COL18A1: variants seen among roughly 807,000 people sequenced by gnomAD.
COL18A1 encodes collagen alpha-1(XVIII) chain.
In COL18A1, 133 loss-of-function variants were observed where a neutral mutation model predicts 168.0. The ratio of observed to expected loss-of-function variants is 0.79; its 90% CI spans 0.69 to 0.91. The LOEUF (loss-of-function observed/expected upper bound fraction) is 0.91, where lower values mean the gene tolerates loss of function less well. Among genes scored for constraint, COL18A1 ranks in the 40% least tolerant of loss-of-function variants. COL18A1 has a pLI of 0.00. For missense variants in COL18A1, 2,126 were observed against 1,925.4 expected (o/e 1.10, Z -1.95); for synonymous variants, 949 against 809.0 (o/e 1.17, Z -2.94).
At chr21:45,414,519 G>A (rs1173030051) in intron 2 of COL18A1, among the ~76,000 whole-genome samples, 4 of 152,218 alleles carry the variant, frequency 2.6e-5, no homozygotes, top group African/African-American at 4.8e-5. Context: ...CACAGGGGAC[G>A]TCTGGCATTT....
intron 15 of COL18A1, among the ~76,000 whole-genome samples, chr21:45,484,319 A>G (rs548246663): frequency 1.0e-4 from 14 of 140,150 alleles, no homozygotes; most frequent in Non-Finnish European, 1.8e-4. Flanking sequence ...TCCAGCATAC[A>G]TGCACACACA....
At chr21:45,470,887 G>A (rs1362348383) in intron 3 of COL18A1, among the ~76,000 whole-genome samples, 1 of 151,548 alleles carries the variant, frequency 6.6e-6, no homozygotes, top group Non-Finnish European at 1.5e-5. Flanking sequence ...TGGAACAGGA[G>A]GGAGCTAGAG....
Position 45,512,111 on chromosome 21 carries a change from C to T in COL18A1, c.3810-77C>T, listed in dbSNP as rs946836760. The T allele has an allele frequency of 4.6e-6, 7 of 1,511,158 alleles. No homozygotes were observed. In the African/African-American group the frequency reaches 8.3e-5, roughly 18 times the overall value. The allele number at this position is 1,511,158 out of a possible 1,614,324, so 93.6% of individuals were successfully genotyped here. On this transcript the variant is annotated intron_variant, in intron 41 of 41. Transcript: ENST00000651438. ...CCCAGGGCTGGCCTCCTGCCTCCAC[C>T]TTTCCTGCCCGGGGAGCGGCCTCTG...
intron 38 of COL18A1, 73 bp from the exon 39 acceptor site, chr21:45,509,283 G>A: frequency 7.2e-6 from 11 of 1,529,362 alleles, no homozygotes; most frequent in Non-Finnish European, 9.6e-6. Context: ...ACCCAGCCCA[G>A]AGGAGGACAC....
In COL18A1 at chr21:45,476,464, G is replaced by T; in HGVS notation, c.912G>T (p.Thr304=). ...SRSEEVEEQT[T]VASLGAQTLP... ...GTGAAGAAGTCGAGGAGCAGACCACGGTGGCTTCGTTAGGAGGTAAGCTCT... is the reference window on the plus strand; with the variant it reads ...GTGAAGAAGTCGAGGAGCAGACCACTGTGGCTTCGTTAGGAGGTAAGCTCT... The change falls in exon 6 of 42, where the codon ACG becomes ACT. Residue 304 remains threonine, a synonymous_variant. Transcript: ENST00000651438. The T allele has an allele frequency of 6.2e-7, 1 of 1,611,080 alleles. No homozygotes were observed.
chr21:45,493,404 C>T (rs1029963707), intron 25 of COL18A1, 97 bp from the exon 26 acceptor site: 19 of 1,319,094 alleles, frequency 1.4e-5, no homozygotes, highest in Admixed American at 1.2e-4. Context: ...ACCCAGCCTG[C>T]GAGGCCCAGT....
intron 2 of COL18A1, among the ~76,000 whole-genome samples, chr21:45,411,049 T>C (rs781341239): frequency 2.6e-5 from 4 of 152,202 alleles, no homozygotes; most frequent in Non-Finnish European, 5.9e-5. Context: ...AATCACTCAA[T>C]TCAGGTGGAC....
intron 2 of COL18A1, among the ~76,000 whole-genome samples, chr21:45,418,478 A>G (rs2070512103): frequency 6.6e-6 from 1 of 151,954 alleles, no homozygotes; most frequent in African/African-American, 2.4e-5. Flanking sequence ...GGGTGTTTAG[A>G]TGAATTCCCG....
At position 45,508,040 on chromosome 21, in the gene COL18A1, C is replaced by T. The variant is rs150908828; in HGVS notation, c.3249+447C>T. 2.4e-3 allele frequency among the ~76,000 whole-genome samples: 319 copies of T among 134,476 alleles called. 2 individuals carry two copies. Among genetic ancestry groups the T allele is most frequent in the African/African-American group, 3.3e-3 (118 of 35,704 alleles). The allele number at this position is 134,476 out of a possible 152,430, so 88.2% of individuals were successfully genotyped here. On this transcript the variant is annotated intron_variant, in intron 38 of 41. Transcript: ENST00000651438. Reference sequence around the variant, plus strand: ...GGATGGAGAGGTGGGTGAGTGGATACGTAGGTAGATGGGGAGGTGGATGGA... The same window carrying T: ...GGATGGAGAGGTGGGTGAGTGGATATGTAGGTAGATGGGGAGGTGGATGGA...
intron 40 of COL18A1, among the ~76,000 whole-genome samples, chr21:45,510,785 C>A (rs1172065201): frequency 6.6e-6 from 1 of 152,138 alleles, no homozygotes; most frequent in African/African-American, 2.4e-5. Context: ...GGGCTGGGAG[C>A]AGGCGGCTGT....
chr21:45,449,273 C>G (rs956420794), intron 2 of COL18A1, among the ~76,000 whole-genome samples: 2 of 152,132 alleles, frequency 1.3e-5, no homozygotes, highest in Admixed American at 6.5e-5. Context: ...CGGCCAGGTG[C>G]GGGGAGAAGA....
intron 2 of COL18A1, among the ~76,000 whole-genome samples, chr21:45,411,774 G>A (rs1481346092): frequency 7.5e-6 from 1 of 132,840 alleles, no homozygotes; most frequent in Non-Finnish European, 1.6e-5. Flanking sequence ...GGTGGGGGGG[G>A]GGCAGGCTGT....
In COL18A1 at chr21:45,474,436, GGTGTGTCTCTGTGTGTA is replaced by G. The variant is rs1350258730; in HGVS notation, c.738+472_738+488del. Among the ~76,000 whole-genome samples, 161 of 135,796 alleles carry G rather than the reference GGTGTGTCTCTGTGTGTA, an allele frequency of 1.2e-3. 1 individual carries two copies. Among genetic ancestry groups the G allele is most frequent in the Non-Finnish European group, 2.0e-3 (131 of 65,228 alleles). The allele number at this position is 135,796 out of a possible 152,430, so 89.1% of individuals were successfully genotyped here. A position where few individuals can be genotyped will look rare whatever the true frequency, so the allele number is the denominator to read the frequency against. ...TGTCTTGTGTGTCGTGTGTGTCTGTGGTGTGTCTCTGTGTGTAGTGTGTCTCTGTGTGTGGTGTGTCT... is the reference window on the plus strand; with the variant it reads ...TGTCTTGTGTGTCGTGTGTGTCTGTGGTGTGTCTCTGTGTGTGGTGTGTCT... On this transcript the variant is annotated intron_variant, in intron 4 of 41. Transcript: ENST00000651438.
intron 2 of COL18A1, among the ~76,000 whole-genome samples, chr21:45,437,328 A>ACT (rs1417382754): frequency 1.2e-5 from 1 of 80,514 alleles, no homozygotes; most frequent in African/African-American, 6.2e-5. Context: ...CTGCACACAC[A>ACT]CACACTCAGA....
chr21:45,444,807 C>T (rs77779491), intron 2 of COL18A1, among the ~76,000 whole-genome samples: 2 of 152,008 alleles, frequency 1.3e-5, no homozygotes, highest in African/African-American at 2.4e-5. Flanking sequence ...TGATATAGCC[C>T]CTCTAAAAAT....
Position 45,473,708 on chromosome 21 carries a change from C to G in COL18A1, c.652-187C>G, listed in dbSNP as rs1316155712. Among the ~76,000 whole-genome samples the G allele has an allele frequency of 6.6e-6, 1 of 152,166 alleles. No individual in the cohort carries two copies. The highest frequency in any genetic ancestry group is 1.5e-5 in the Non-Finnish European group (1 of 68,012). On this transcript the variant is annotated intron_variant, in intron 3 of 41. Coordinates refer to ENST00000651438, the MANE Select transcript of COL18A1 (RefSeq NM_001379500.1). The surrounding 1 kb of genome is among the most constrained non-coding windows in gnomAD (Gnocchi z 4.0). ...TCCACATGAAAGCGCCCAGGACGCCCCTGGGTCTCACCACTTCTTCCTACC... is the reference window on the plus strand; with the variant it reads ...TCCACATGAAAGCGCCCAGGACGCCGCTGGGTCTCACCACTTCTTCCTACC...
At chr21:45,407,133 G>A (rs552097711) in intron 2 of COL18A1, among the ~76,000 whole-genome samples, 290 of 152,348 alleles carry the variant, frequency 1.9e-3, no homozygotes, top group African/African-American at 6.4e-3. Context: ...CCCGCAGCCC[G>A]GGTTCCAGTC....
chr21:45,507,940 A>AGCTCATGCGC (rs2037321577), intron 38 of COL18A1, among the ~76,000 whole-genome samples: 1 of 152,256 alleles, frequency 6.6e-6, no homozygotes, highest in South Asian at 2.1e-4. Flanking sequence ...AGTGCCAGAC[A>AGCTCATGCGC]CAAGAATGGA....
chr21:45,493,410 C>G (rs1052426876), intron 25 of COL18A1, 91 bp from the exon 26 acceptor site: 2 of 1,346,336 alleles, frequency 1.5e-6, no homozygotes, highest in African/African-American at 2.9e-5. Context: ...CCTGCGAGGC[C>G]CAGTCACAGC....
Sources: gnomAD v4.1 joint callset for allele counts (sites outside exome capture counted in the v4.1 genomes callset) on GRCh38, gnomAD v4.1.1 for gene constraint, Gnocchi (gnomAD v3.1) non-coding constraint, MANE v1.5 for transcripts, NCBI Gene and HGNC (gene_info 2026-07-23, HGNC 2026-07-21) for gene names.